Variants in ALK observed in about 807,000 individuals in gnomAD.
ALK encodes the protein ALK receptor tyrosine kinase.
ALK carries 74 observed loss-of-function variants against 163.1 expected under a neutral mutation model. The observed-to-expected ratio is 0.45, with a 90% CI of 0.38 to 0.55. The LOEUF is 0.55. Among genes scored for constraint, ALK ranks in the 20% least tolerant of loss-of-function variants. The pLI, the probability that ALK is intolerant of heterozygous loss-of-function variation, is 0.00. For missense variants in ALK, 2,063 were observed against 2,105.3 expected, an observed-to-expected ratio of 0.98 and a Z score of 0.39; for synonymous variants, 960 against 843.2, an observed-to-expected ratio of 1.14 and a Z score of -2.40.
At chr2:29,848,557 A>G (rs767461185) in intron 1 of ALK, among the ~76,000 whole-genome samples, 1 of 152,154 alleles carries the variant, frequency 6.6e-6, no homozygotes, top group Non-Finnish European at 1.5e-5. Flanking sequence ...AGCCTGTAAA[A>G]CCTTAATAAA....
intron 1 of ALK, among the ~76,000 whole-genome samples, chr2:29,825,574 G>C (rs1204147114): frequency 1.3e-5 from 2 of 152,224 alleles, no homozygotes; most frequent in African/African-American, 4.8e-5. Flanking sequence ...TGGAGAGTAG[G>C]TTGGAGGCAG....
At chr2:29,718,998 C>T (rs1371935928) in intron 1 of ALK, among the ~76,000 whole-genome samples, 1 of 152,192 alleles carries the variant, frequency 6.6e-6, no homozygotes, top group African/African-American at 2.4e-5. Context: ...TACCTCTAAC[C>T]CCCTTTTAGG....
chr2:29,497,218 G>C (rs1392948990), intron 4 of ALK, among the ~76,000 whole-genome samples: 1 of 151,982 alleles, frequency 6.6e-6, no homozygotes. Flanking sequence ...GTTGCAGTGA[G>C]CCGAAATAGT....
At chr2:29,410,688 A>G (rs1669705311) in intron 4 of ALK, among the ~76,000 whole-genome samples, 1 of 152,222 alleles carries the variant, frequency 6.6e-6, no homozygotes, top group African/African-American at 2.4e-5. Context: ...ACATCTAAAC[A>G]TAGAAAAAGT....
At chr2:29,688,739 T>C (rs1452760792) in intron 3 of ALK, among the ~76,000 whole-genome samples, 2 of 152,182 alleles carry the variant, frequency 1.3e-5, no homozygotes, top group African/African-American at 4.8e-5. Flanking sequence ...TCCAATTACA[T>C]TTTTCTTCTA....
chr2:29,539,706 G>A (rs956276303), intron 3 of ALK, among the ~76,000 whole-genome samples: 4 of 151,992 alleles, frequency 2.6e-5, no homozygotes, highest in Non-Finnish European at 4.4e-5. Context: ...AACATCAAGT[G>A]GGACAAGAAT....
In ALK at chr2:29,759,582, A is replaced by C. The variant is rs565683122; in HGVS notation, c.668-41885T>G. Among the ~76,000 whole-genome samples the C allele has an allele frequency of 1.7e-4, 26 of 152,238 alleles. No individual in the cohort carries two copies. The South Asian group carries it at 3.1e-3, about 18-fold the overall frequency. Reference sequence around the variant, plus strand: ...AAATTTCCAATGTCTGGCTTTGACCACTCTGGCTGTTTTAAATCAGAAACA... The same window carrying C: ...AAATTTCCAATGTCTGGCTTTGACCCCTCTGGCTGTTTTAAATCAGAAACA... On this transcript the variant is annotated intron_variant, in intron 1 of 28. Transcript: ENST00000389048.
intron 5 of ALK, among the ~76,000 whole-genome samples, chr2:29,367,954 T>C (rs1668547410): frequency 6.6e-6 from 1 of 152,234 alleles, no homozygotes; most frequent in Admixed American, 6.5e-5. Context: ...CTCAGCTTTG[T>C]GTTTATAGTT....
intron 1 of ALK, among the ~76,000 whole-genome samples, chr2:29,730,305 A>T (rs912171529): frequency 4.6e-5 from 7 of 152,242 alleles, no homozygotes. Context: ...CTGCTCTGGT[A>T]GGCACCTTGT....
intron 6 of ALK, among the ~76,000 whole-genome samples, chr2:29,326,187 G>A (rs1028538491): frequency 2.0e-5 from 3 of 152,112 alleles, no homozygotes; most frequent in Non-Finnish European, 2.9e-5. Flanking sequence ...CTCAGTGCCT[G>A]AAGTAGACTG....
chr2:29,748,608 C>A (rs1437762951), intron 1 of ALK, among the ~76,000 whole-genome samples: 2 of 152,206 alleles, frequency 1.3e-5, no homozygotes, highest in Non-Finnish European at 2.9e-5. Context: ...GTTGAACAGA[C>A]ACAATCCCAG....
At chr2:29,556,287 G>C (rs969010357) in intron 3 of ALK, among the ~76,000 whole-genome samples, 1 of 152,152 alleles carries the variant, frequency 6.6e-6, no homozygotes, top group South Asian at 2.1e-4. Flanking sequence ...TATGAAATAG[G>C]GACAGTGACA....
intron 4 of ALK, among the ~76,000 whole-genome samples, chr2:29,508,709 CA>C (rs1406728024): frequency 2.2e-5 from 1 of 46,134 alleles, no homozygotes; most frequent in East Asian, 7.0e-4. Flanking sequence ...AAAAAAAACC[CA>C]AAAAAATCCC....
intron 5 of ALK, among the ~76,000 whole-genome samples, chr2:29,335,133 G>A (rs1336578710): frequency 6.6e-6 from 1 of 152,128 alleles, no homozygotes; most frequent in Non-Finnish European, 1.5e-5. Context: ...GATGCCTTCT[G>A]CCCATGTGGT....
intron 4 of ALK, among the ~76,000 whole-genome samples, chr2:29,486,576 G>A (rs976452411): frequency 2.0e-5 from 3 of 152,186 alleles, no homozygotes; most frequent in African/African-American, 7.2e-5. Context: ...AACTGCAAAA[G>A]TCAGAGCTGC....
At chr2:29,534,815 T>C (rs1673210646) in intron 3 of ALK, among the ~76,000 whole-genome samples, 1 of 152,132 alleles carries the variant, frequency 6.6e-6, no homozygotes. Context: ...TCCCCGAAAT[T>C]TGGCACCTCA....
intron 1 of ALK, among the ~76,000 whole-genome samples, chr2:29,778,068 G>T (rs1210444331): frequency 6.6e-6 from 1 of 152,190 alleles, no homozygotes; most frequent in African/African-American, 2.4e-5. Flanking sequence ...AAACACACCA[G>T]AATTACTACA....
At chr2:29,618,963 A>C (rs1675941216) in intron 3 of ALK, among the ~76,000 whole-genome samples, 1 of 152,040 alleles carries the variant, frequency 6.6e-6, no homozygotes. Flanking sequence ...TGGGCGACAA[A>C]GCGAGACTGC....
intron 1 of ALK, among the ~76,000 whole-genome samples, chr2:29,807,320 G>A (rs139579318): frequency 3.1e-3 from 471 of 152,330 alleles, no homozygotes; most frequent in Non-Finnish European, 5.6e-3. Context: ...AAAAAGAATA[G>A]AAGATAACCA....
Sources: gnomAD v4.1 joint callset for allele counts (sites outside exome capture counted in the v4.1 genomes callset) on GRCh38, gnomAD v4.1.1 for gene constraint, MANE v1.5 for transcripts, NCBI Gene and HGNC (gene_info 2026-07-23, HGNC 2026-07-21) for gene names.